The following ASCC1 variants were observed in gnomAD, a reference collection of about 807,000 sequenced individuals.
The protein encoded by ASCC1 is ASC-1 complex subunit P50.
A neutral mutation model predicts 46.6 loss-of-function variants in ASCC1; 35 were observed. The observed-to-expected ratio is 0.75, with a 90% confidence interval of 0.57 to 0.99. The LOEUF (loss-of-function observed/expected upper bound fraction) is 0.99, where lower values mean the gene tolerates loss of function less well. Among genes scored for constraint, ASCC1 ranks in the 50% least tolerant of loss-of-function variants. The probability of loss-of-function intolerance (pLI) is 0.00; values close to 1 mark genes in which losing one functional copy is unlikely to be tolerated. For missense variants in ASCC1, 376 were observed against 428.7 expected, an observed-to-expected ratio of 0.88 and a Z score of 1.09; for synonymous variants, 143 against 146.6, an observed-to-expected ratio of 0.98 and a Z score of 0.18.
chr10:72,114,713 T>C (rs1299321220), intron 9 of ASCC1, among the ~76,000 whole-genome samples: 1 of 152,122 alleles, frequency 6.6e-6, no homozygotes, highest in Non-Finnish European at 1.5e-5. Flanking sequence ...GTTAACTATA[T>C]CTTTATGACA....
At chr10:72,190,705 GT>G in intron 5 of ASCC1, 1 of 621,522 alleles carries the variant, frequency 1.6e-6, no homozygotes, top group Non-Finnish European at 2.7e-6. Flanking sequence ...AATTAAGACA[GT>G]TAAAGTGAAG....
chr10:72,116,293 T>C (rs933932191), intron 9 of ASCC1, among the ~76,000 whole-genome samples: 2 of 152,268 alleles, frequency 1.3e-5, no homozygotes, highest in Admixed American at 6.5e-5. Flanking sequence ...CTTTTTGTTC[T>C]TTGTAATGTA....
intron 5 of ASCC1, among the ~76,000 whole-genome samples, chr10:72,167,616 G>GT (rs1850520095): frequency 6.7e-6 from 1 of 149,510 alleles, no homozygotes. Context: ...TAATGAAGCT[G>GT]TTAAATAAGT....
chr10:72,138,856 G>A (rs1215010487), intron 7 of ASCC1, among the ~76,000 whole-genome samples: 6 of 151,922 alleles, frequency 3.9e-5, no homozygotes, highest in East Asian at 3.9e-4. Context: ...GTGAGCCACC[G>A]CGCTCGGCTT....
At chr10:72,122,222 C>G (rs1300586607) in intron 9 of ASCC1, among the ~76,000 whole-genome samples, 1 of 152,116 alleles carries the variant, frequency 6.6e-6, no homozygotes, top group Non-Finnish European at 1.5e-5. Flanking sequence ...AGTTCAAGAC[C>G]ATCCTGGCCA....
chr10:72,184,131 C>G (rs60949082), intron 5 of ASCC1, among the ~76,000 whole-genome samples: 21,585 of 150,386 alleles, frequency 0.14, 4,401 homozygotes, highest in African/African-American at 0.45. Flanking sequence ...GTAACAGAGC[C>G]AGACTCCATC....
chr10:72,206,420 A>G (rs1440823590), intron 3 of ASCC1, among the ~76,000 whole-genome samples: 4 of 152,162 alleles, frequency 2.6e-5, no homozygotes, highest in Non-Finnish European at 5.9e-5. Context: ...AAAAATAAAC[A>G]TTAAATTAAA....
chr10:72,150,690 A>C (rs377324325), intron 7 of ASCC1, among the ~76,000 whole-genome samples: 1 of 152,340 alleles, frequency 6.6e-6, no homozygotes, highest in African/African-American at 2.4e-5. Flanking sequence ...AAATTTTTGC[A>C]GTCTACCCAT....
intron 7 of ASCC1, among the ~76,000 whole-genome samples, chr10:72,141,112 T>C (rs1397601452): frequency 3.3e-5 from 5 of 151,876 alleles, no homozygotes; most frequent in Admixed American, 2.0e-4. Flanking sequence ...GAGATATAGA[T>C]ATACAGATAT....
At chr10:72,155,339 T>C (rs914448481) in intron 6 of ASCC1, among the ~76,000 whole-genome samples, 9 of 152,210 alleles carry the variant, frequency 5.9e-5, no homozygotes, top group African/African-American at 1.7e-4. Flanking sequence ...ATTCTATTTA[T>C]GGGACATTTA....
At position 72,175,878 on chromosome 10, in the gene ASCC1, C is replaced by T. The variant is rs373577194; in HGVS notation, c.490-14204G>A. On this transcript the variant is annotated intron_variant, in intron 5 of 9. Transcript: ENST00000672957. Reference sequence around the variant, plus strand: ...CAAAGACAGACCCTGGTTCCTCTCACGTTTCTGATGGGTTAACAGCGCAAG... The same window carrying T: ...CAAAGACAGACCCTGGTTCCTCTCATGTTTCTGATGGGTTAACAGCGCAAG... Among the ~76,000 whole-genome samples the T allele has an allele frequency of 7.3e-4, 111 of 152,342 alleles. No homozygotes were observed. The South Asian group carries it at 0.014, about 19-fold the overall frequency.
intron 5 of ASCC1, among the ~76,000 whole-genome samples, chr10:72,174,687 T>G (rs534953332): frequency 4.1e-4 from 63 of 152,192 alleles, no homozygotes; most frequent in Non-Finnish European, 7.8e-4. Flanking sequence ...TATATCATCT[T>G]TTAGGAACTC....
intron 8 of ASCC1, among the ~76,000 whole-genome samples, chr10:72,129,809 GA>G (rs76681296): frequency 0.031 from 4,221 of 136,804 alleles, 192 homozygotes; most frequent in African/African-American, 0.1. Flanking sequence ...TTCATCTTAG[GA>G]AAAAAAAAAA....
At position 72,206,818 on chromosome 10, in the gene ASCC1, TG is replaced by T. The variant is rs139678302; in HGVS notation, c.213-3295del. On this transcript the variant is annotated intron_variant, in intron 3 of 9. Coordinates refer to ENST00000672957, the MANE Select transcript of ASCC1 (RefSeq NM_001198800.3). The stretch of plus-strand genomic sequence containing the variant: ...GGATTAAATAAAGGTTGCCAGGTGA[TG>T]GCTGCTAGGGGCAGGGTGCTAAGTG... Among the ~76,000 whole-genome samples the T allele has an allele frequency of 9.7e-3, 1,470 of 152,280 alleles. 20 individuals are homozygous for T. Among genetic ancestry groups the T allele is most frequent in the East Asian group, 0.077 (397 of 5,178 alleles).
At chr10:72,198,509 TC>T in intron 4 of ASCC1, 1 of 454,934 alleles carries the variant, frequency 2.2e-6, no homozygotes, top group Admixed American at 2.4e-5. Flanking sequence ...GGCCAGGAGT[TC>T]CAGACAGCCT....
chr10:72,152,319 C>A (rs1848461191), intron 7 of ASCC1, among the ~76,000 whole-genome samples: 1 of 151,922 alleles, frequency 6.6e-6, no homozygotes, highest in Non-Finnish European at 1.5e-5. Context: ...CGTGAGCCAC[C>A]ATGCCCAGCC....
upstream of ASCC1, chr10:72,216,748 C>G (rs1859419035): frequency 2.2e-6 from 1 of 449,596 alleles, no homozygotes; most frequent in African/African-American, 2.0e-5. Flanking sequence ...CATCTTAGCT[C>G]GGACACAGCA....
At chr10:72,173,237 T>G (rs1341733196) in intron 5 of ASCC1, among the ~76,000 whole-genome samples, 3 of 152,016 alleles carry the variant, frequency 2.0e-5, no homozygotes, top group African/African-American at 7.2e-5. Context: ...CACTTTGATA[T>G]TCCATTGCTC....
At chr10:72,150,462 CCA>C in intron 7 of ASCC1, among the ~76,000 whole-genome samples, 1 of 152,240 alleles carries the variant, frequency 6.6e-6, no homozygotes, top group Admixed American at 6.5e-5. Context: ...AATAAAAAGA[CCA>C]CACAAAAACA....
Sources: allele counts gnomAD v4.1 joint callset (sites outside exome capture counted in the v4.1 genomes callset), GRCh38; gene constraint gnomAD v4.1.1; transcripts MANE v1.5; gene names NCBI Gene and HGNC (gene_info 2026-07-23, HGNC 2026-07-21).